SDK1: variants seen among roughly 807,000 people sequenced by gnomAD.
SDK1 encodes sidekick cell adhesion molecule 1.
Under a neutral mutation model 245.5 loss-of-function variants are expected in SDK1, and 157 were observed. That is an observed-to-expected ratio of 0.64 (90% CI 0.56 to 0.73). SDK1 has a LOEUF of 0.73. SDK1 is among the 30% of genes least tolerant of loss of function. The pLI, the probability that SDK1 is intolerant of heterozygous loss-of-function variation, is 0.00. For synonymous variants in SDK1, 1,647 were observed against 1,278.5 expected (o/e 1.29, Z -6.15); for missense variants, 3,583 against 3,002.3 (o/e 1.19, Z -4.52).
intron 1 of SDK1, among the ~76,000 whole-genome samples, chr7:3,554,961 A>G (rs908272290): frequency 2.6e-5 from 4 of 152,202 alleles, no homozygotes; most frequent in African/African-American, 7.2e-5. Flanking sequence ...AAGATATTAC[A>G]TGTTTGTAGA....
At chr7:3,833,215 A>G (rs964376787) in intron 5 of SDK1, among the ~76,000 whole-genome samples, 3 of 152,178 alleles carry the variant, frequency 2.0e-5, no homozygotes, top group Non-Finnish European at 4.4e-5. Context: ...TCGAACTTAA[A>G]GAGTAGGAGT....
intron 1 of SDK1, among the ~76,000 whole-genome samples, chr7:3,499,546 A>T (rs1782129723): frequency 1.3e-5 from 2 of 152,178 alleles, no homozygotes; most frequent in Admixed American, 1.3e-4. Flanking sequence ...CTCAGAGGTA[A>T]ACACGTCAGG....
chr7:4,175,722 G>A (rs774637319), intron 33 of SDK1, 53 bp from the exon 34 acceptor site: 37 of 1,454,124 alleles, frequency 2.5e-5, no homozygotes, highest in Middle Eastern at 1.7e-4. Context: ...CATCACCTGC[G>A]ATGGCCGTGT....
At chr7:3,559,256 C>T (rs1186821014) in intron 1 of SDK1, among the ~76,000 whole-genome samples, 1 of 152,134 alleles carries the variant, frequency 6.6e-6, no homozygotes, top group Non-Finnish European at 1.5e-5. Flanking sequence ...ATGATGAAGT[C>T]TGACTTGATA....
intron 4 of SDK1, among the ~76,000 whole-genome samples, chr7:3,816,995 T>A (rs1243885083): frequency 6.6e-6 from 1 of 152,196 alleles, no homozygotes; most frequent in African/African-American, 2.4e-5. Context: ...TAGACTCAAA[T>A]TATGCTTCTA....
rs565442440 is a variant in SDK1 at position 3,646,553 on chromosome 7, A to C, written c.713+4448A>C. ...ATTACTTACCCCAGGGCCCCCAGCC[A>C]ATACACACAGAGCCAGGGTTCACAC... is the stretch of plus-strand genomic sequence containing the variant. On this transcript the variant is annotated intron_variant, in intron 4 of 44. Coordinates refer to ENST00000404826, the MANE Select transcript of SDK1 (RefSeq NM_152744.4). Among the ~76,000 whole-genome samples, 32 of 152,342 alleles carry C rather than the reference A, an allele frequency of 2.1e-4. No homozygotes were observed. The South Asian group carries it at 3.5e-3, about 17-fold the overall frequency.
intron 5 of SDK1, among the ~76,000 whole-genome samples, chr7:3,909,054 G>T (rs76810231): frequency 6.6e-6 from 1 of 152,172 alleles, no homozygotes; most frequent in Non-Finnish European, 1.5e-5. Flanking sequence ...CTCTGGCTGT[G>T]CCTTTTGGCC....
At chr7:3,335,881 C>T (rs940023138) in intron 1 of SDK1, among the ~76,000 whole-genome samples, 2 of 152,284 alleles carry the variant, frequency 1.3e-5, no homozygotes, top group African/African-American at 4.8e-5. Context: ...GACTCAAAAT[C>T]CCTGGACTTC....
intron 5 of SDK1, among the ~76,000 whole-genome samples, chr7:3,822,449 G>T (rs1384097590): frequency 1.3e-5 from 2 of 152,146 alleles, no homozygotes; most frequent in African/African-American, 4.8e-5. Context: ...TTGTCTTGAA[G>T]GAATCGTTTC....
intron 1 of SDK1, among the ~76,000 whole-genome samples, chr7:3,510,684 A>T (rs370295189): frequency 6.6e-6 from 1 of 152,136 alleles, no homozygotes; most frequent in Non-Finnish European, 1.5e-5. Flanking sequence ...TGGTCTTATT[A>T]TACAGATGAA....
At chr7:3,776,984 C>T (rs1261183499) in intron 4 of SDK1, among the ~76,000 whole-genome samples, 4 of 152,210 alleles carry the variant, frequency 2.6e-5, no homozygotes, top group Non-Finnish European at 5.9e-5. Context: ...CACCCCCACA[C>T]ACACTTGCTC....
At chr7:3,618,134 A>G (rs1289706187) in intron 1 of SDK1, among the ~76,000 whole-genome samples, 1 of 152,212 alleles carries the variant, frequency 6.6e-6, no homozygotes, top group Non-Finnish European at 1.5e-5. Context: ...CTAGAAGCCA[A>G]GTGTGCTGCA....
Position 4,145,778 on chromosome 7 carries a change from G to A in SDK1, c.4285G>A (p.Glu1429Lys), listed in dbSNP as rs1403806603. 2 of 1,613,532 alleles carry A rather than the reference G, an allele frequency of 1.2e-6. No individual in the cohort carries two copies. Among genetic ancestry groups the A allele is most frequent in the African/African-American group, 1.3e-5 (1 of 74,900 alleles). ...CAGCCCCCACACCTTCACCACCGTG[G>A]AGGTCGGCGCCACAGTGAGGCAGTT... ...SSSPHTFTTVEVGATVRQFTA... is the reference protein window; with the variant it reads ...SSSPHTFTTVKVGATVRQFTA... Residue 1429 changes from glutamate (E) to lysine (K), a missense_variant, in exon 29 of 45, where the codon GAG becomes AAG. By Grantham distance (56) the Glu-to-Lys change is moderately conservative (BLOSUM62 1). Coordinates refer to ENST00000404826, the MANE Select transcript of SDK1 (RefSeq NM_152744.4).
chr7:3,629,198 G>T (rs972486736), intron 2 of SDK1, among the ~76,000 whole-genome samples: 2 of 151,678 alleles, frequency 1.3e-5, no homozygotes, highest in African/African-American at 4.8e-5. Flanking sequence ...CTACTCGGGA[G>T]GCTGAGGCAG....
intron 14 of SDK1, among the ~76,000 whole-genome samples, chr7:4,006,473 G>C (rs559388678): frequency 6.6e-6 from 1 of 152,328 alleles, no homozygotes; most frequent in South Asian, 2.1e-4. Context: ...AGGACCGGCT[G>C]GGGGCGGACC....
At position 3,743,610 on chromosome 7, in the gene SDK1, C is replaced by T. The variant is rs111841713; in HGVS notation, c.714-77840C>T. 4.5e-3 allele frequency among the ~76,000 whole-genome samples: 687 copies of T among 152,306 alleles called. 10 individuals are homozygous for T. The highest frequency in any genetic ancestry group is 0.015 in the African/African-American group (633 of 41,548). ...CCCTAGTACCACAAAATAACTTCAACTGCAAACAATTAAACTAGTAAGTAT... is the reference window on the plus strand; with the variant it reads ...CCCTAGTACCACAAAATAACTTCAATTGCAAACAATTAAACTAGTAAGTAT... On this transcript the variant is annotated intron_variant, in intron 4 of 44. Transcript: ENST00000404826.
At chr7:3,929,509 C>G (rs1032515428) in intron 5 of SDK1, among the ~76,000 whole-genome samples, 1 of 152,200 alleles carries the variant, frequency 6.6e-6, no homozygotes, top group African/African-American at 2.4e-5. Flanking sequence ...TCCTGTGTTT[C>G]TTTTCTTTTC....
chr7:3,466,741 C>G (rs1781013446), intron 1 of SDK1, among the ~76,000 whole-genome samples: 1 of 151,524 alleles, frequency 6.6e-6, no homozygotes, highest in African/African-American at 2.4e-5. Flanking sequence ...GATAATCTGT[C>G]AAGAGGATTA....
At chr7:4,191,009 A>G (rs1004198665) in intron 35 of SDK1, among the ~76,000 whole-genome samples, 5 of 152,190 alleles carry the variant, frequency 3.3e-5, no homozygotes, top group Admixed American at 1.3e-4. Flanking sequence ...CATCCTCTAC[A>G]CTTCTGCTGG....
Sources: gnomAD v4.1 joint callset for allele counts (sites outside exome capture counted in the v4.1 genomes callset) on GRCh38, gnomAD v4.1.1 for gene constraint, MANE v1.5 for transcripts, NCBI Gene and HGNC (gene_info 2026-07-23, HGNC 2026-07-21) for gene names.